Variants in ARID2 observed in about 807,000 individuals in gnomAD.
ARID2 encodes the protein AT-rich interactive domain-containing protein 2.
A neutral mutation model predicts 184.6 loss-of-function variants in ARID2; 32 were observed. The observed-to-expected ratio is 0.17, with a 90% confidence interval of 0.13 to 0.23. The LOEUF (loss-of-function observed/expected upper bound fraction) is 0.23, where lower values mean the gene tolerates loss of function less well. Ranked by LOEUF, ARID2 falls within the 10% of genes least tolerant of loss-of-function variation. The pLI is 1.00. For synonymous variants in ARID2, 836 were observed against 772.6 expected (o/e 1.08, Z -1.36); for missense variants, 1,696 against 2,197.6 (o/e 0.77, Z 4.56).
At chr12:45,855,720 CT>C (rs1251963309) in intron 15 of ARID2, among the ~76,000 whole-genome samples, 1 of 152,052 alleles carries the variant, frequency 6.6e-6, no homozygotes, top group African/African-American at 2.4e-5. Context: ...TAATTTCTTT[CT>C]TTTTTGGGTG....
intron 20 of ARID2, among the ~76,000 whole-genome samples, chr12:45,901,469 C>T (rs1035451485): frequency 5.3e-5 from 8 of 150,928 alleles, no homozygotes; most frequent in South Asian, 2.1e-4. Flanking sequence ...CACCCCCAGC[C>T]GGAAATTTCC....
chr12:45,831,032 G>A (rs1400204081), intron 6 of ARID2, among the ~76,000 whole-genome samples: 2 of 147,332 alleles, frequency 1.4e-5, no homozygotes, highest in Admixed American at 6.8e-5. Context: ...GTGACAGAAC[G>A]AGACTCTGTC....
chr12:45,822,131 A>G (rs992192589), intron 6 of ARID2, among the ~76,000 whole-genome samples: 3 of 152,182 alleles, frequency 2.0e-5, no homozygotes, highest in Non-Finnish European at 4.4e-5. Context: ...CATGAGATAC[A>G]TTCAAGTATG....
At chr12:45,832,127 T>C (rs1303622885) in intron 6 of ARID2, among the ~76,000 whole-genome samples, 1 of 152,198 alleles carries the variant, frequency 6.6e-6, no homozygotes, top group Admixed American at 6.5e-5. Context: ...TCTCAACTTT[T>C]ATTTATCTAA....
At chr12:45,756,947 T>C (rs1941582911) in intron 3 of ARID2, among the ~76,000 whole-genome samples, 1 of 152,172 alleles carries the variant, frequency 6.6e-6, no homozygotes. Context: ...AAACAAAATG[T>C]GGAGCTCTTT....
rs1013517586 is a variant in ARID2 at position 45,891,998 on chromosome 12, C to T, written c.5062-13C>T. The T allele has an allele frequency of 4.3e-6, 7 of 1,613,866 alleles. No homozygotes were observed. The highest frequency in any genetic ancestry group is 5.9e-6 in the Non-Finnish European group (7 of 1,179,988). ...TTGACGTGCCATTCTCTTGCTTCCT[C>T]TTCCTCAAAAAGGATAAGCACTGTT... On this transcript the variant is annotated splice_polypyrimidine_tract_variant and intron_variant, in intron 17 of 20. Coordinates refer to ENST00000334344, the MANE Select transcript of ARID2 (RefSeq NM_152641.4).
chr12:45,895,038 A>G (rs1364256708), intron 20 of ARID2, among the ~76,000 whole-genome samples: 1 of 152,114 alleles, frequency 6.6e-6, no homozygotes, highest in Non-Finnish European at 1.5e-5. Flanking sequence ...TTCAGACATG[A>G]GTTTCTTTGT....
intron 3 of ARID2, among the ~76,000 whole-genome samples, chr12:45,758,357 C>A (rs1052826601): frequency 6.6e-6 from 1 of 151,884 alleles, no homozygotes; most frequent in Non-Finnish European, 1.5e-5. Context: ...AACATTATGA[C>A]ATTTTTTTTT....
intron 15 of ARID2, among the ~76,000 whole-genome samples, chr12:45,855,794 G>C (rs1458709397): frequency 6.6e-6 from 1 of 152,148 alleles, no homozygotes; most frequent in Non-Finnish European, 1.5e-5. Flanking sequence ...ACAGCTCACT[G>C]CAGCCTCGAC....
intron 3 of ARID2, among the ~76,000 whole-genome samples, chr12:45,740,676 AT>A (rs1941235418): frequency 6.6e-6 from 1 of 152,196 alleles, no homozygotes; most frequent in African/African-American, 2.4e-5. Context: ...CTTAAATCAA[AT>A]TTTAACAGTT....
In ARID2 at chr12:45,866,928, T is replaced by TTTGTTGTTG. The variant is rs369872664; in HGVS notation, c.4922+6009_4922+6017dup. Among the ~76,000 whole-genome samples, 311 of 150,164 alleles carry TTTGTTGTTG rather than the reference T, an allele frequency of 2.1e-3. 2 individuals are homozygous for TTTGTTGTTG. The highest frequency in any genetic ancestry group is 4.8e-3 in the African/African-American group (195 of 40,928). ...TGTTTTGTTGGGTTGTTTTGTGAAG[T>TTTGTTGTTG]TTGTTGTTGTTGTTGTTGTTGTTGT... On this transcript the variant is annotated intron_variant, in intron 16 of 20. Coordinates refer to ENST00000334344, the MANE Select transcript of ARID2 (RefSeq NM_152641.4).
At position 45,850,481 on chromosome 12, in the gene ARID2, C is replaced by A. The variant is rs1943526402; in HGVS notation, c.2358C>A (p.Gly786=). The change falls in exon 15 of 21, where the codon GGC becomes GGA. Residue 786 remains glycine (G), a synonymous_variant. Coordinates refer to ENST00000334344, the MANE Select transcript of ARID2 (RefSeq NM_152641.4). Reference sequence around the variant, plus strand: ...TGGTACCAGGACAGATCCCTTCAGGCACTCCTGTTACAGTAATTCAACAAG... The same window carrying A: ...TGGTACCAGGACAGATCCCTTCAGGAACTCCTGTTACAGTAATTCAACAAG... ...HTVVPGQIPS[G]TPVTVIQQAV... The A allele has an allele frequency of 6.2e-7, 1 of 1,614,004 alleles. No individual in the cohort carries two copies. The highest frequency in any genetic ancestry group is 8.5e-7 in the Non-Finnish European group (1 of 1,179,968).
At position 45,811,402 on chromosome 12, in the gene ARID2, T is replaced by C; in HGVS notation, c.285-16T>C. 6.2e-7 allele frequency: 1 copy of C among 1,605,884 alleles called. No individual in the cohort carries two copies. Among genetic ancestry groups the C allele is most frequent in the Non-Finnish European group, 8.5e-7 (1 of 1,175,546 alleles). ...ATCTATTTTTAAATGTTTGCTGTGC[T>C]GTTTTTCTGTTTCAGTTACCTAGAA... On this transcript the variant is annotated splice_polypyrimidine_tract_variant and intron_variant, in intron 3 of 20. Transcript: ENST00000334344.
rs1943561981 is a variant in ARID2 at position 45,852,051 on chromosome 12, G to T, written c.3928G>T (p.Gly1310Trp). 6.2e-7 allele frequency: 1 copy of T among 1,614,070 alleles called. No homozygotes were observed. The highest frequency in any genetic ancestry group is 8.5e-7 in the Non-Finnish European group (1 of 1,179,998). The part of the protein sequence containing the change: ...SDSSLPPSNS[G>W]KIQSETNQCS... ...CTCAAGTCTACCTCCTTCAAACTCA[G>T]GGAAAATTCAAAGTGAGACTAATCA... The change falls in exon 15 of 21, where the codon GGG becomes TGG. Residue 1310 changes from glycine (G) to tryptophan (W), a missense_variant. Coordinates refer to ENST00000334344, the MANE Select transcript of ARID2 (RefSeq NM_152641.4).
chr12:45,899,021 C>A (rs529467233), intron 20 of ARID2, among the ~76,000 whole-genome samples: 2 of 151,968 alleles, frequency 1.3e-5, no homozygotes, highest in East Asian at 3.9e-4. Context: ...TGCCTGTAAT[C>A]CCAGTACTTT....
At chr12:45,804,489 CGTGTGT>C (rs141399769) in intron 3 of ARID2, among the ~76,000 whole-genome samples, 1 of 146,500 alleles carries the variant, frequency 6.8e-6, no homozygotes, top group Admixed American at 6.8e-5. Context: ...CGTGTGTGTG[CGTGTGT>C]GTGTGTGTGT....
intron 3 of ARID2, among the ~76,000 whole-genome samples, chr12:45,806,991 C>G (rs1942613999): frequency 6.6e-6 from 1 of 152,178 alleles, no homozygotes; most frequent in South Asian, 2.1e-4. Flanking sequence ...TTTTGAAACA[C>G]ACCATCACTT....
intron 3 of ARID2, among the ~76,000 whole-genome samples, chr12:45,771,558 A>C (rs1405895166): frequency 6.6e-6 from 1 of 151,668 alleles, no homozygotes; most frequent in Non-Finnish European, 1.5e-5. Flanking sequence ...CTGTAGTCCT[A>C]GCTGCTTGGT....
chr12:45,837,159 A>T (rs1345705906), intron 8 of ARID2, among the ~76,000 whole-genome samples, 162 bp from the exon 9 acceptor site: 1 of 152,226 alleles, frequency 6.6e-6, no homozygotes, highest in Non-Finnish European at 1.5e-5. Context: ...TTATGGAAAA[A>T]AGTATTTGAA....
Sources: allele counts gnomAD v4.1 joint callset (sites outside exome capture counted in the v4.1 genomes callset), GRCh38; gene constraint gnomAD v4.1.1; transcripts MANE v1.5; gene names NCBI Gene and HGNC (gene_info 2026-07-23, HGNC 2026-07-21).